The following UNC13A variants were observed in gnomAD, a reference collection of about 807,000 sequenced individuals.
The protein encoded by UNC13A is protein unc-13 homolog A.
A neutral mutation model predicts 219.7 loss-of-function variants in UNC13A; 61 were observed. The observed-to-expected ratio is 0.28, with a 90% confidence interval of 0.23 to 0.34. The LOEUF is 0.34. UNC13A is among the 10% of genes least tolerant of loss of function. The pLI is 1.00. For missense variants in UNC13A, 1,476 were observed against 2,270.3 expected, an observed-to-expected ratio of 0.65 and a Z score of 7.11; for synonymous variants, 920 against 884.6, an observed-to-expected ratio of 1.04 and a Z score of -0.71.
intron 17 of UNC13A, among the ~76,000 whole-genome samples, chr19:17,646,893 C>G (rs34575473): frequency 0.45 from 64,870 of 143,172 alleles, 14,435 homozygotes; most frequent in African/African-American, 0.57. Context: ...GATGGGCTGA[C>G]CCCCTTGCCC....
At chr19:17,632,726 TCTAG>T in intron 28 of UNC13A, 52 bp downstream of exon 28, 1 of 1,611,678 alleles carries the variant, frequency 6.2e-7, no homozygotes, top group Non-Finnish European at 8.5e-7. Context: ...TGGCTTTCCT[TCTAG>T]CTGTCAGTGC....
chr19:17,665,058 G>A (rs1012159568), intron 7 of UNC13A, among the ~76,000 whole-genome samples: 2 of 152,078 alleles, frequency 1.3e-5, no homozygotes, highest in Non-Finnish European at 2.9e-5. Context: ...AAATTAGCTG[G>A]GCGTGGTGGC....
At position 17,676,092 on chromosome 19, in the gene UNC13A, G is replaced by A. The variant is rs375152673; in HGVS notation, c.23-51C>T. ...AGGGAGGTGGGGAGAGATGTGGGGA[G>A]GAGGAGGCAGAGATACGGAGAGATT... On this transcript the variant is annotated intron_variant, in intron 1 of 43. Transcript: ENST00000519716. 9.1e-6 allele frequency: 14 copies of A among 1,534,366 alleles called. No homozygotes were observed. In the African/African-American group the frequency reaches 1.9e-4, roughly 21 times the overall value.
At chr19:17,607,541 G>A (rs1371250385) in intron 43 of UNC13A, among the ~76,000 whole-genome samples, 2 of 149,562 alleles carry the variant, frequency 1.3e-5, no homozygotes, top group Admixed American at 1.3e-4. Flanking sequence ...GCCTCCCAAA[G>A]TGTTGGAATT....
intron 30 of UNC13A, 89 bp from the exon 31 acceptor site, chr19:17,629,412 G>C: frequency 8.2e-7 from 1 of 1,222,800 alleles, no homozygotes; most frequent in East Asian, 2.5e-5. Context: ...TGAGATCAGT[G>C]ATGAACCCAA....
rs1159123639 is a variant in UNC13A, at chr19:17,605,860, C to T, written c.*194G>A. Reference sequence around the variant, plus strand: ...TCGTCGCGCCCTTGGGCGTGGCCTCCCGAGAGGGCGGGGCATCCTCCATTC... The same window carrying T: ...TCGTCGCGCCCTTGGGCGTGGCCTCTCGAGAGGGCGGGGCATCCTCCATTC... On this transcript the variant is annotated 3_prime_UTR_variant, in exon 44 of 44. Transcript: ENST00000519716. 1.8e-6 allele frequency: 1 copy of T among 552,900 alleles called. No homozygotes were observed. Among genetic ancestry groups the T allele is most frequent in the Non-Finnish European group, 2.9e-6 (1 of 349,776 alleles). 34.2% of individuals were successfully genotyped at this position (552,900 alleles called of 1,614,324 possible).
chr19:17,646,003 T>G lies in UNC13A; in HGVS notation c.2153A>C (p.Asn718Thr). ...TKKRTKTIYG[N>T]LNPVWEENFH... ...ATTCTCCTCCCACACCGGGTTGAGG[T>G]TCCCATAGATGGTTTTTGTCCGTTT... The change falls in exon 18 of 44, where the codon AAC (asparagine) becomes ACC (threonine). Residue 718 changes from asparagine to threonine, a missense_variant. Around this residue, in one of 14 missense-constraint regions of UNC13A, gnomAD observed 66 missense variants for 224.3 expected, o/e 0.29. Transcript: ENST00000519716. The G allele has an allele frequency of 6.2e-7, 1 of 1,613,232 alleles. No homozygotes were observed. Among genetic ancestry groups the G allele is most frequent in the Non-Finnish European group, 8.5e-7 (1 of 1,179,544 alleles).
chr19:17,602,509 T>C lies in UNC13A; in HGVS notation c.*3545A>G, dbSNP rs1599813358. ...GGAAATGTGGGGCCAGCTCCTTGCATAAAGCGAGGTCCAGGGTTCAGAACC... is the reference window on the plus strand; with the variant it reads ...GGAAATGTGGGGCCAGCTCCTTGCACAAAGCGAGGTCCAGGGTTCAGAACC... On this transcript the variant is annotated 3_prime_UTR_variant, in exon 44 of 44. Coordinates refer to ENST00000519716, the MANE Select transcript of UNC13A (RefSeq NM_001080421.3). The C allele has an allele frequency of 6.6e-6, 1 of 152,356 alleles. No individual in the cohort carries two copies. The allele number at this position is 152,356 out of a possible 1,614,324, so 9.4% of individuals were successfully genotyped here.
intron 26 of UNC13A, among the ~76,000 whole-genome samples, chr19:17,635,421 T>C (rs1214736679): frequency 6.6e-6 from 1 of 152,176 alleles, no homozygotes; most frequent in Non-Finnish European, 1.5e-5. Flanking sequence ...CTAGCACTCA[T>C]CTGGCAGAGA....
At chr19:17,610,167 T>C in intron 42 of UNC13A, 68 bp from the exon 43 acceptor site, 1 of 1,601,940 alleles carries the variant, frequency 6.2e-7, no homozygotes, top group Non-Finnish European at 8.5e-7. Flanking sequence ...TGTTTGTGGC[T>C]CTCAAAACCT....
chr19:17,615,512 C>T (rs951721703), intron 41 of UNC13A, among the ~76,000 whole-genome samples: 3 of 152,210 alleles, frequency 2.0e-5, no homozygotes, highest in African/African-American at 7.2e-5. Context: ...AACCCCGTCT[C>T]TACTAAAAAT....
chr19:17,656,448 A>C (rs1338883219), intron 9 of UNC13A, 50 bp from the exon 10 acceptor site: 1 of 1,450,850 alleles, frequency 6.9e-7, no homozygotes, highest in East Asian at 2.5e-5. Context: ...GTCACTGCCC[A>C]CCTGAGCCCC....
chr19:17,639,143 G>A lies in UNC13A; in HGVS notation c.3021C>T (p.Thr1007=). 1 of 1,613,880 alleles carries A rather than the reference G, an allele frequency of 6.2e-7. No homozygotes were observed. The highest frequency in any genetic ancestry group is 8.5e-7 in the Non-Finnish European group (1 of 1,179,882). Residue 1007 remains threonine, a synonymous_variant, in exon 25 of 44, where the codon ACC becomes ACT. Transcript: ENST00000519716. ...GGCAGTTATTGAAGATGTACTCGTA[G>A]GTAGAATTAAGGCAGGCTTTCACAC... ...KDCVKACLNS[T]YEYIFNNCHE...
At chr19:17,666,578 C>T in intron 7 of UNC13A, 72 bp downstream of exon 7, 2 of 1,215,614 alleles carry the variant, frequency 1.6e-6, no homozygotes, top group Non-Finnish European at 2.2e-6. Context: ...AGCCTTTAGA[C>T]AGGACAGTCA....
Position 17,602,651 on chromosome 19 carries a change from C to T in UNC13A, c.*3403G>A, listed in dbSNP as rs1336064292. 1 of 152,328 alleles carries T rather than the reference C, an allele frequency of 6.6e-6. No homozygotes were observed. The highest frequency in any genetic ancestry group is 6.5e-5 in the Admixed American group (1 of 15,282). 9.4% of individuals were successfully genotyped at this position (152,328 alleles called of 1,614,324 possible). Reference sequence around the variant, plus strand: ...ACAGGAACTTCCTGATTTCAAAAGGCTTTCAGCCCCCTGGACTCCTTGTCT... The same window carrying T: ...ACAGGAACTTCCTGATTTCAAAAGGTTTTCAGCCCCCTGGACTCCTTGTCT... On this transcript the variant is annotated 3_prime_UTR_variant, in exon 44 of 44. Coordinates refer to ENST00000519716, the MANE Select transcript of UNC13A (RefSeq NM_001080421.3).
intron 38 of UNC13A, chr19:17,619,165 C>T (rs1322506426): frequency 7.1e-6 from 2 of 282,270 alleles, no homozygotes; most frequent in African/African-American, 5.4e-5. Context: ...TGAGGATAGT[C>T]CCCCACCCTC....
At position 17,641,515 on chromosome 19, in the gene UNC13A, G is replaced by A. The variant is rs749700009; in HGVS notation, c.2514C>T (p.Val838=). The A allele has an allele frequency of 3.1e-6, 5 of 1,613,948 alleles. No homozygotes were observed. The highest frequency in any genetic ancestry group is 1.7e-5 in the Admixed American group (1 of 60,002). The change falls in exon 21 of 44, where the codon GTC becomes GTT. Residue 838 remains valine, a synonymous_variant. Transcript: ENST00000519716. Reference sequence around the variant, plus strand: ...CACCCTTGGCATCTGGGATCTTCACGACCCCATTGTTCTGCACGTCGGTCA... The same window carrying A: ...CACCCTTGGCATCTGGGATCTTCACAACCCCATTGTTCTGCACGTCGGTCA... ...HFVTDVQNNG[V]VKIPDAKGDD...
chr19:17,604,753 AGCTTCC>A lies in UNC13A; in HGVS notation c.*1295_*1300del. 1 of 152,404 alleles carries A rather than the reference AGCTTCC, an allele frequency of 6.6e-6. No individual in the cohort carries two copies. Among genetic ancestry groups the A allele is most frequent in the East Asian group, 1.9e-4 (1 of 5,188 alleles). The allele number at this position is 152,404 out of a possible 1,614,324, so 9.4% of individuals were successfully genotyped here. ...CTGTAACTTTGCTCATTGGAGAAAGAGCTTCCAGCTGGCAAGAGGGCCATCTGAGGT... is the reference window on the plus strand; with the variant it reads ...CTGTAACTTTGCTCATTGGAGAAAGAAGCTGGCAAGAGGGCCATCTGAGGT... On this transcript the variant is annotated 3_prime_UTR_variant, in exon 44 of 44. Coordinates refer to ENST00000519716, the MANE Select transcript of UNC13A (RefSeq NM_001080421.3).
At chr19:17,650,720 C>T (rs1057469398) in intron 12 of UNC13A, among the ~76,000 whole-genome samples, 3 of 150,608 alleles carry the variant, frequency 2.0e-5, no homozygotes, top group African/African-American at 4.9e-5. Context: ...TCAGGCGATC[C>T]GCCCACCTTG....
Sources: gnomAD v4.1 joint callset for allele counts (sites outside exome capture counted in the v4.1 genomes callset) on GRCh38, gnomAD v4.1.1 for gene constraint, gnomAD v4.1.1 regional missense constraint, MANE v1.5 for transcripts, NCBI Gene and HGNC (gene_info 2026-07-23, HGNC 2026-07-21) for gene names.